The following DLGAP2 variants were observed in gnomAD, a reference collection of about 807,000 sequenced individuals.
DLGAP2 encodes the protein DLG associated protein 2.
A neutral mutation model predicts 100.3 loss-of-function variants in DLGAP2; 26 were observed. The observed-to-expected ratio is 0.26, with a 90% CI of 0.19 to 0.36. DLGAP2 has a LOEUF of 0.36. Ranked by LOEUF, DLGAP2 falls within the 10% of genes least tolerant of loss-of-function variation. The pLI is 1.00. For missense variants in DLGAP2, 1,858 were observed against 1,453.2 expected (o/e 1.28, Z -4.53); for synonymous variants, 886 against 630.1 (o/e 1.41, Z -6.08).
rs184664989 is a variant in DLGAP2, at chr8:935,168, A to C, written c.73+27202A>C. 4.1e-4 allele frequency among the ~76,000 whole-genome samples: 62 copies of C among 152,340 alleles called. No individual in the cohort carries two copies. The East Asian group carries it at 7.7e-3, about 19-fold the overall frequency. ...GGCGGCTGCCCCTCGGGAGTGTTGG[A>C]AACAGCTTCTCTGAGCGACTCCACC... is the stretch of plus-strand genomic sequence containing the variant. On this transcript the variant is annotated intron_variant, in intron 2 of 14. Coordinates refer to ENST00000637795, the MANE Select transcript of DLGAP2 (RefSeq NM_001346810.2).
intron 1 of DLGAP2, among the ~76,000 whole-genome samples, chr8:792,582 G>C (rs1033596829): frequency 1.3e-5 from 2 of 152,198 alleles, no homozygotes; most frequent in Non-Finnish European, 2.9e-5. Context: ...GGAACGTGAA[G>C]TAGAAGGTTC....
At chr8:1,274,531 G>C (rs1400537165) in intron 3 of DLGAP2, among the ~76,000 whole-genome samples, 2 of 149,130 alleles carry the variant, frequency 1.3e-5, no homozygotes, top group African/African-American at 4.9e-5. Flanking sequence ...ACCGTAAAAT[G>C]AGTGACTTTG....
At chr8:1,519,504 T>C (rs1800513513) in intron 4 of DLGAP2, among the ~76,000 whole-genome samples, 1 of 152,234 alleles carries the variant, frequency 6.6e-6, no homozygotes. Flanking sequence ...CAATACTTTA[T>C]TTCCTCTCCA....
chr8:1,331,906 G>T (rs182767529), intron 3 of DLGAP2, among the ~76,000 whole-genome samples: 2 of 152,288 alleles, frequency 1.3e-5, no homozygotes, highest in Admixed American at 1.3e-4. Context: ...GGGTCAGGGA[G>T]CCATGTGTCA....
chr8:1,213,563 G>T (rs180773153), intron 2 of DLGAP2, among the ~76,000 whole-genome samples: 1 of 152,240 alleles, frequency 6.6e-6, no homozygotes, highest in Admixed American at 6.5e-5. Flanking sequence ...TAAGATTGCT[G>T]GGTAGGTTTT....
At chr8:1,174,358 C>CACCAAAATCATTATCATT (rs1797205370) in intron 2 of DLGAP2, among the ~76,000 whole-genome samples, 1 of 151,698 alleles carries the variant, frequency 6.6e-6, no homozygotes, top group Non-Finnish European at 1.5e-5. Flanking sequence ...TCATTACCAT[C>CACCAAAATCATTATCATT]ACCAAAATCA....
chr8:898,573 G>T (rs746787269), intron 1 of DLGAP2, among the ~76,000 whole-genome samples: 1 of 152,276 alleles, frequency 6.6e-6, no homozygotes, highest in South Asian at 2.1e-4. Context: ...TGGAGAAGCC[G>T]CAGGTTTGGA....
chr8:824,108 T>A (rs1796641195), intron 1 of DLGAP2, among the ~76,000 whole-genome samples: 1 of 152,058 alleles, frequency 6.6e-6, no homozygotes, highest in African/African-American at 2.4e-5. Context: ...CTTTTCTCCC[T>A]CTGTCACTCA....
chr8:1,185,974 A>T (rs1797495262), intron 2 of DLGAP2, among the ~76,000 whole-genome samples: 1 of 152,064 alleles, frequency 6.6e-6, no homozygotes, highest in Non-Finnish European at 1.5e-5. Flanking sequence ...ACCTCCCTCC[A>T]GGAAGTATTA....
chr8:1,697,725 A>C (rs923417872), intron 14 of DLGAP2, among the ~76,000 whole-genome samples: 1 of 152,202 alleles, frequency 6.6e-6, no homozygotes, highest in Non-Finnish European at 1.5e-5. Context: ...ACTATCTCCT[A>C]TTCAATATAC....
At chr8:1,303,672 G>A (rs571878458) in intron 3 of DLGAP2, among the ~76,000 whole-genome samples, 2 of 152,270 alleles carry the variant, frequency 1.3e-5, no homozygotes, top group African/African-American at 2.4e-5. Context: ...TCAGGAGCCC[G>A]CAGGAAGCCC....
intron 3 of DLGAP2, among the ~76,000 whole-genome samples, chr8:1,386,635 T>C (rs906449633): frequency 6.6e-6 from 1 of 152,124 alleles, no homozygotes; most frequent in Non-Finnish European, 1.5e-5. Context: ...GAGGATGTGC[T>C]GACCCAGAAA....
At chr8:1,329,014 C>T (rs1353571108) in intron 3 of DLGAP2, among the ~76,000 whole-genome samples, 3 of 152,234 alleles carry the variant, frequency 2.0e-5, no homozygotes, top group Non-Finnish European at 4.4e-5. Flanking sequence ...CAGGCAGAGT[C>T]CACATGCTGG....
chr8:1,295,767 T>C (rs1800158925), intron 3 of DLGAP2, among the ~76,000 whole-genome samples: 1 of 152,218 alleles, frequency 6.6e-6, no homozygotes, highest in Admixed American at 6.5e-5. Context: ...CTGTGGGGTG[T>C]GTCCCAGCCA....
rs151105894 is a variant in DLGAP2, at chr8:895,468, C to A, written c.19-12444C>A. On this transcript the variant is annotated intron_variant, in intron 1 of 14. Transcript: ENST00000637795. ...CGGTCTCTGGACGCTGCCCGTCCCCCCTTCTGAGACCACACGCTTGGCGCT... is the reference window on the plus strand; with the variant it reads ...CGGTCTCTGGACGCTGCCCGTCCCCACTTCTGAGACCACACGCTTGGCGCT... Among the ~76,000 whole-genome samples the A allele has an allele frequency of 8.9e-3, 1,358 of 152,290 alleles. 8 individuals are homozygous for A. The highest frequency in any genetic ancestry group is 0.013 in the Non-Finnish European group (854 of 68,022).
At chr8:1,530,298 A>G (rs1800945223) in intron 4 of DLGAP2, among the ~76,000 whole-genome samples, 1 of 152,128 alleles carries the variant, frequency 6.6e-6, no homozygotes, top group Non-Finnish European at 1.5e-5. Context: ...CATGCTGAGA[A>G]AAAGAATTCA....
At chr8:900,259 A>G (rs1463968210) in intron 1 of DLGAP2, among the ~76,000 whole-genome samples, 5 of 146,268 alleles carry the variant, frequency 3.4e-5, no homozygotes, top group Non-Finnish European at 6.0e-5. Context: ...TCCCAGGCGG[A>G]CGGTCGGCGC....
chr8:1,178,270 G>A (rs1412180206), intron 2 of DLGAP2, among the ~76,000 whole-genome samples: 1 of 152,240 alleles, frequency 6.6e-6, no homozygotes, highest in Non-Finnish European at 1.5e-5. Context: ...GGTGGGTGAG[G>A]TTAGAGGGCT....
chr8:1,486,974 G>A (rs990728480), intron 3 of DLGAP2, among the ~76,000 whole-genome samples: 8 of 152,148 alleles, frequency 5.3e-5, no homozygotes, highest in Non-Finnish European at 7.3e-5. Context: ...ATTGGGGCCC[G>A]CCAAGCTGCC....
Sources: gnomAD v4.1 joint callset for allele counts (sites outside exome capture counted in the v4.1 genomes callset) on GRCh38, gnomAD v4.1.1 for gene constraint, MANE v1.5 for transcripts, NCBI Gene and HGNC (gene_info 2026-07-23, HGNC 2026-07-21) for gene names.